The following ADCY1 variants were observed in gnomAD, a reference collection of about 807,000 sequenced individuals.
ADCY1 encodes adenylate cyclase type 1.
Under a neutral mutation model 105.4 loss-of-function variants are expected in ADCY1, and 28 were observed. The observed-to-expected ratio is 0.27, with a 90% confidence interval of 0.20 to 0.36. ADCY1 has a LOEUF of 0.36. ADCY1 is among the 10% of genes least tolerant of loss of function. The pLI is 1.00. For synonymous variants in ADCY1, 655 were observed against 623.8 expected (o/e 1.05, Z -0.75); for missense variants, 977 against 1,434.2 (o/e 0.68, Z 5.15).
At chr7:45,684,731 G>T (rs545966787) in intron 11 of ADCY1, 161 of 348,790 alleles carry the variant, frequency 4.6e-4, no homozygotes, top group African/African-American at 3.2e-3. Context: ...AATGCAAGTG[G>T]AAGGAAGGGA....
intron 17 of ADCY1, 31 bp downstream of exon 17, chr7:45,704,647 G>C: frequency 6.3e-7 from 1 of 1,580,502 alleles, no homozygotes; most frequent in Non-Finnish European, 8.7e-7. Flanking sequence ...CCTGCTTGGG[G>C]ACTGGGTCCA....
At chr7:45,626,754 G>T (rs1171347157) in intron 4 of ADCY1, among the ~76,000 whole-genome samples, 1 of 152,228 alleles carries the variant, frequency 6.6e-6, no homozygotes, top group East Asian at 1.9e-4. Flanking sequence ...ATCCATTTGG[G>T]CATGAAGCCC....
intron 1 of ADCY1, among the ~76,000 whole-genome samples, chr7:45,576,391 T>C (rs1792349269): frequency 6.6e-6 from 1 of 151,946 alleles, no homozygotes; most frequent in African/African-American, 2.4e-5. Flanking sequence ...GATAGACACA[T>C]CACTGGACTT....
chr7:45,673,739 T>A (rs965007337), intron 8 of ADCY1, among the ~76,000 whole-genome samples: 1 of 151,106 alleles, frequency 6.6e-6, no homozygotes, highest in African/African-American at 2.4e-5. Context: ...ATTTTCTCTA[T>A]TTTTTTTGTT....
At chr7:45,676,040 T>C (rs1291113799) in intron 8 of ADCY1, among the ~76,000 whole-genome samples, 2 of 145,446 alleles carry the variant, frequency 1.4e-5, no homozygotes, top group Admixed American at 6.8e-5. Flanking sequence ...TTCCAAAGGC[T>C]CTGTTTTGTT....
At position 45,661,784 on chromosome 7, in the gene ADCY1, C is replaced by T. The variant is rs536347767; in HGVS notation, c.1450-275C>T. Among the ~76,000 whole-genome samples, 7 of 152,326 alleles carry T rather than the reference C, an allele frequency of 4.6e-5. No individual in the cohort carries two copies. The East Asian group carries it at 5.8e-4, about 13-fold the overall frequency. Reference sequence around the variant, plus strand: ...CTGACCAGGGCCTCCAGCCTTCCCCCGCACTTTGCTTCAGGATTCCGAGCA... The same window carrying T: ...CTGACCAGGGCCTCCAGCCTTCCCCTGCACTTTGCTTCAGGATTCCGAGCA... On this transcript the variant is annotated intron_variant, in intron 7 of 19. Transcript: ENST00000297323.
intron 19 of ADCY1, among the ~76,000 whole-genome samples, chr7:45,712,054 TTAAA>T (rs1432447314): frequency 7.6e-6 from 1 of 130,790 alleles, no homozygotes; most frequent in Non-Finnish European, 1.6e-5. Context: ...ATATAATATA[TTAAA>T]TATATATTTT....
chr7:45,678,070 A>G lies in ADCY1; in HGVS notation c.1800+7A>G, dbSNP rs1584325557. 6.2e-7 allele frequency: 1 copy of G among 1,613,994 alleles called. No homozygotes were observed. The highest frequency in any genetic ancestry group is 2.2e-5 in the East Asian group (1 of 44,874). ...TGTCGAACGGGAGCAAAAGGTAAGC[A>G]ACTCTGGTTTTCGGCTTCCCTGGTG... On this transcript the variant is annotated splice_region_variant and intron_variant, in intron 9 of 19. Transcript: ENST00000297323.
upstream of ADCY1, chr7:45,574,283 C>G (rs1008963426): frequency 3.0e-6 from 1 of 337,810 alleles, no homozygotes; most frequent in South Asian, 1.2e-4. This position sits in a 1 kb window ranked among gnomAD's most constrained non-coding sequence, Gnocchi z 7.0. Context: ...GCTCCCGGGG[C>G]TCGGCTGTCG....
At chr7:45,697,677 A>G (rs1784913966) in intron 14 of ADCY1, among the ~76,000 whole-genome samples, 2 of 152,230 alleles carry the variant, frequency 1.3e-5, no homozygotes, top group African/African-American at 4.8e-5. Flanking sequence ...GGCGTAAGCC[A>G]CTGCGCCCAG....
Position 45,708,576 on chromosome 7 carries a change from C to A in ADCY1, c.2932+112C>A. 1.2e-6 allele frequency: 1 copy of A among 806,588 alleles called. No homozygotes were observed. The highest frequency in any genetic ancestry group is 2.1e-6 in the Non-Finnish European group (1 of 484,188). 50.0% of individuals were successfully genotyped at this position (806,588 alleles called of 1,614,324 possible). On this transcript the variant is annotated intron_variant, in intron 18 of 19. Transcript: ENST00000297323. This position sits in a 1 kb window ranked among gnomAD's most constrained non-coding sequence, Gnocchi z 4.7. ...TGGTCTTACAGGAAGGAGGGTGGTG[C>A]CACCCAGGAGGGCATGGGGACCTGT... is the stretch of plus-strand genomic sequence containing the variant.
At chr7:45,702,662 G>A (rs1785020759) in intron 14 of ADCY1, among the ~76,000 whole-genome samples, 1 of 152,250 alleles carries the variant, frequency 6.6e-6, no homozygotes, top group African/African-American at 2.4e-5. Flanking sequence ...GTCTGTGAAT[G>A]AGGCCTTTGC....
chr7:45,706,485 T>A, intron 17 of ADCY1, among the ~76,000 whole-genome samples: 1 of 68,858 alleles, frequency 1.5e-5, no homozygotes, highest in Admixed American at 2.5e-4. Context: ...CAACTGGACA[T>A]CACATGCAAA....
intron 1 of ADCY1, among the ~76,000 whole-genome samples, chr7:45,579,951 C>A (rs1407639255): frequency 6.7e-6 from 1 of 150,098 alleles, no homozygotes. Flanking sequence ...CCCGTCCCCC[C>A]CTTCCCCCTT....
intron 17 of ADCY1, among the ~76,000 whole-genome samples, chr7:45,707,323 A>C (rs1319357981): frequency 6.6e-6 from 1 of 152,250 alleles, no homozygotes; most frequent in South Asian, 2.1e-4. Flanking sequence ...GAAATTTGGT[A>C]TATCCATAAG....
intron 3 of ADCY1, among the ~76,000 whole-genome samples, chr7:45,615,210 A>G (rs1197314999): frequency 6.6e-6 from 1 of 152,250 alleles, no homozygotes; most frequent in Non-Finnish European, 1.5e-5. Context: ...AATTAATGGC[A>G]GAAAGAAAAC....
chr7:45,645,889 A>G lies in ADCY1; in HGVS notation c.1021-2781A>G, dbSNP rs574320063. Among the ~76,000 whole-genome samples the G allele has an allele frequency of 8.7e-5, 13 of 148,628 alleles. No homozygotes were observed. In the South Asian group the frequency reaches 2.8e-3, roughly 32 times the overall value. ...CATTGTGGCTCTTGTGGGCTCCCAGAGGGGTCTTGAGCCCTCATTTGGGCC... is the reference window on the plus strand; with the variant it reads ...CATTGTGGCTCTTGTGGGCTCCCAGGGGGGTCTTGAGCCCTCATTTGGGCC... On this transcript the variant is annotated intron_variant, in intron 4 of 19. Transcript: ENST00000297323.
chr7:45,705,493 G>T (rs1387430470), intron 17 of ADCY1, among the ~76,000 whole-genome samples: 1 of 152,118 alleles, frequency 6.6e-6, no homozygotes, highest in Non-Finnish European at 1.5e-5. Flanking sequence ...ATCAATTGAT[G>T]CAGAAAAATT....
Position 45,574,707 on chromosome 7 carries a change from G to A in ADCY1, c.164G>A (p.Arg55Gln), listed in dbSNP as rs867103553. ...LEALFRGYTL[R>Q]LEQAATLKAL... ...GCGCTGTTCCGCGGCTACACGCTGC[G>A]GCTGGAGCAGGCGGCCACGCTGAAG... is the stretch of plus-strand genomic sequence containing the variant. Residue 55 changes from arginine (R) to glutamine (Q), a missense_variant, in exon 1 of 20, where the codon CGG becomes CAG. Arg to Gln is a conservative substitution (Grantham distance 43, BLOSUM62 1). Transcript: ENST00000297323. This position sits in a 1 kb window ranked among gnomAD's most constrained non-coding sequence, Gnocchi z 7.0. 2 of 1,405,588 alleles carry A rather than the reference G, an allele frequency of 1.4e-6. No homozygotes were observed. The highest frequency in any genetic ancestry group is 1.8e-6 in the Non-Finnish European group (2 of 1,085,872). 87.1% of individuals were successfully genotyped at this position (1,405,588 alleles called of 1,614,324 possible). A position where few individuals can be genotyped will look rare whatever the true frequency, so the allele number is the denominator to read the frequency against.
Sources: gnomAD v4.1 joint callset for allele counts (sites outside exome capture counted in the v4.1 genomes callset) on GRCh38, gnomAD v4.1.1 for gene constraint, Gnocchi (gnomAD v3.1) non-coding constraint, MANE v1.5 for transcripts, NCBI Gene and HGNC (gene_info 2026-07-23, HGNC 2026-07-21) for gene names.